The following NETO2 variants were observed in gnomAD, a reference collection of about 807,000 sequenced individuals.
NETO2 encodes neuropilin and tolloid like 2.
A neutral mutation model predicts 62.5 loss-of-function variants in NETO2; 28 were observed. The ratio of observed to expected loss-of-function variants is 0.45; its 90% confidence interval spans 0.33 to 0.61. The LOEUF (loss-of-function observed/expected upper bound fraction) is 0.61. Among genes scored for constraint, NETO2 ranks in the 20% least tolerant of loss-of-function variants. The probability of loss-of-function intolerance (pLI) is 0.02; values close to 1 mark genes in which losing one functional copy is unlikely to be tolerated. For synonymous variants in NETO2, 214 were observed against 219.1 expected (o/e 0.98, Z 0.21); for missense variants, 548 against 643.2 (o/e 0.85, Z 1.60).
At chr16:47,117,473 G>A (rs1199388448) in intron 6 of NETO2, among the ~76,000 whole-genome samples, 3 of 151,948 alleles carry the variant, frequency 2.0e-5, no homozygotes, top group East Asian at 1.9e-4. Context: ...CTCTTCTCCC[G>A]CTAGGACTTA....
At chr16:47,139,725 C>T (rs539310067) in intron 1 of NETO2, among the ~76,000 whole-genome samples, 2 of 152,318 alleles carry the variant, frequency 1.3e-5, no homozygotes, top group South Asian at 2.1e-4. Flanking sequence ...TCACTCCAGC[C>T]TACATATGCT....
At chr16:47,143,175 G>A (rs1192161511) in intron 1 of NETO2, among the ~76,000 whole-genome samples, 1 of 152,128 alleles carries the variant, frequency 6.6e-6, no homozygotes, top group Admixed American at 6.5e-5. Flanking sequence ...ATTACTTTTT[G>A]CCATCACATC....
chr16:47,121,516 G>A (rs1254454638), intron 6 of NETO2, among the ~76,000 whole-genome samples: 1 of 152,142 alleles, frequency 6.6e-6, no homozygotes, highest in Non-Finnish European at 1.5e-5. Context: ...ATAAAGCTAG[G>A]GGGGACCCCA....
chr16:47,122,619 G>A, intron 6 of NETO2, 38 bp downstream of exon 6: 1 of 1,596,038 alleles, frequency 6.3e-7, no homozygotes. Context: ...GCCTTATCAT[G>A]ATGTTCTTCT....
chr16:47,123,062 G>A (rs576381485), intron 4 of NETO2, 150 bp from the exon 5 acceptor site: 21 of 693,678 alleles, frequency 3.0e-5, no homozygotes, highest in South Asian at 2.3e-4. Flanking sequence ...TTAGGAGCTC[G>A]CTTACAGGAT....
Position 47,143,648 on chromosome 16 carries a change from G to C in NETO2, c.-36C>G. 8.2e-7 allele frequency: 1 copy of C among 1,219,474 alleles called. No individual in the cohort carries two copies. Among genetic ancestry groups the C allele is most frequent in the Non-Finnish European group, 1.0e-6 (1 of 977,432 alleles). 75.5% of individuals were successfully genotyped at this position (1,219,474 alleles called of 1,614,324 possible). Reference sequence around the variant, plus strand: ...TGCCCGGCGCTTCGCGAAGGGCTGAGGTAGCGGCGGCGGTGGCTCGGCGCT... The same window carrying C: ...TGCCCGGCGCTTCGCGAAGGGCTGACGTAGCGGCGGCGGTGGCTCGGCGCT... On this transcript the variant is annotated 5_prime_UTR_variant, in exon 1 of 9. Transcript: ENST00000562435.
At chr16:47,090,412 T>A (rs1038039115) in intron 7 of NETO2, among the ~76,000 whole-genome samples, 1 of 152,180 alleles carries the variant, frequency 6.6e-6, no homozygotes, top group African/African-American at 2.4e-5. Flanking sequence ...ATATGGGATT[T>A]TAATGGTATG....
chr16:47,124,164 T>G (rs1205273782), intron 4 of NETO2, among the ~76,000 whole-genome samples: 3 of 152,236 alleles, frequency 2.0e-5, no homozygotes, highest in African/African-American at 7.2e-5. Flanking sequence ...GCAACTTTTT[T>G]TTTTAACTTT....
intron 1 of NETO2, among the ~76,000 whole-genome samples, chr16:47,134,828 C>T (rs1210610575): frequency 6.6e-6 from 1 of 152,186 alleles, no homozygotes; most frequent in Non-Finnish European, 1.5e-5. Context: ...AAAATAACTG[C>T]TTTATGAAAT....
At chr16:47,086,487 C>T (rs1018296510) in intron 7 of NETO2, 148 bp from the exon 8 acceptor site, 25 of 604,164 alleles carry the variant, frequency 4.1e-5, no homozygotes, top group Middle Eastern at 2.7e-4. Context: ...ATAAGACAAA[C>T]GTCAATATTC....
At position 47,143,613 on chromosome 16, in the gene NETO2, G is replaced by A. The variant is rs562589845; in HGVS notation, c.-1C>T. 57 of 1,222,724 alleles carry A rather than the reference G, an allele frequency of 4.7e-5. No homozygotes were observed. The South Asian group carries it at 2.1e-3, about 46-fold the overall frequency. 75.7% of individuals were successfully genotyped at this position (1,222,724 alleles called of 1,614,324 possible). On this transcript the variant is annotated 5_prime_UTR_variant, in exon 1 of 9. Transcript: ENST00000562435. ...CCGAGCAGAGCCGCTCCAGGGCCAT[G>A]TTCCCGAGCTGCCCGGCGCTTCGCG...
chr16:47,133,383 T>C (rs919524292), intron 1 of NETO2, among the ~76,000 whole-genome samples: 1 of 149,462 alleles, frequency 6.7e-6, no homozygotes, highest in Non-Finnish European at 1.5e-5. Context: ...CCAGAGGCCC[T>C]GTCTCTACGG....
intron 7 of NETO2, among the ~76,000 whole-genome samples, chr16:47,087,545 G>A (rs1963221089): frequency 6.6e-6 from 1 of 152,010 alleles, no homozygotes; most frequent in Non-Finnish European, 1.5e-5. Flanking sequence ...ACAATAATGT[G>A]AATGTACTTA....
At position 47,104,175 on chromosome 16, in the gene NETO2, G is replaced by A. The variant is rs141315194; in HGVS notation, c.883+5308C>T. 1.4e-4 allele frequency among the ~76,000 whole-genome samples: 22 copies of A among 151,866 alleles called. No homozygotes were observed. In the East Asian group the frequency reaches 4.1e-3, roughly 28 times the overall value. ...ACCCCCGTTAGAGCTAATAAACTAAGTCAACAAAGTTGCAGGATGCAAAAC... is the reference window on the plus strand; with the variant it reads ...ACCCCCGTTAGAGCTAATAAACTAAATCAACAAAGTTGCAGGATGCAAAAC... On this transcript the variant is annotated intron_variant, in intron 7 of 8. Transcript: ENST00000562435.
At chr16:47,132,382 T>C (rs1207586562) in intron 1 of NETO2, among the ~76,000 whole-genome samples, 1 of 152,170 alleles carries the variant, frequency 6.6e-6, no homozygotes, top group Non-Finnish European at 1.5e-5. Context: ...CATCTCAAAG[T>C]TTACATGCAG....
intron 8 of NETO2, among the ~76,000 whole-genome samples, chr16:47,084,195 C>A (rs1963134582): frequency 6.6e-6 from 1 of 152,142 alleles, no homozygotes; most frequent in Admixed American, 6.5e-5. Flanking sequence ...ACTGATGACC[C>A]CAGGGAGAGC....
intron 7 of NETO2, among the ~76,000 whole-genome samples, chr16:47,093,411 A>AT (rs1248530377): frequency 3.3e-5 from 5 of 152,186 alleles, no homozygotes; most frequent in Non-Finnish European, 7.4e-5. Context: ...GAACTTGGAT[A>AT]TTTAACAGGA....
At chr16:47,116,872 A>G (rs901224249) in intron 6 of NETO2, among the ~76,000 whole-genome samples, 1 of 152,148 alleles carries the variant, frequency 6.6e-6, no homozygotes, top group Non-Finnish European at 1.5e-5. Flanking sequence ...TACCCATTTC[A>G]TCGAAGTCAT....
intron 6 of NETO2, among the ~76,000 whole-genome samples, chr16:47,116,108 A>G (rs1963915424): frequency 6.7e-6 from 1 of 150,306 alleles, no homozygotes; most frequent in African/African-American, 2.4e-5. Flanking sequence ...TCAGGTTTTC[A>G]CCACTAAGTA....
Sources: gnomAD v4.1 joint callset for allele counts (sites outside exome capture counted in the v4.1 genomes callset) on GRCh38, gnomAD v4.1.1 for gene constraint, MANE v1.5 for transcripts, NCBI Gene and HGNC (gene_info 2026-07-23, HGNC 2026-07-21) for gene names.